The following FOCAD variants were observed in gnomAD, a reference collection of about 807,000 sequenced individuals.
FOCAD encodes KIAA1797.
A neutral mutation model predicts 225.6 loss-of-function variants in FOCAD; 198 were observed. That is an observed-to-expected ratio of 0.88 (90% CI 0.78 to 0.99). The LOEUF (loss-of-function observed/expected upper bound fraction) is 0.99, where lower values mean the gene tolerates loss of function less well. FOCAD is among the 50% of genes least tolerant of loss of function. The probability of loss-of-function intolerance (pLI) is 0.00; values close to 1 mark genes in which losing one functional copy is unlikely to be tolerated. For missense variants in FOCAD, 2,713 were observed against 2,123.6 expected (o/e 1.28, Z -5.46); for synonymous variants, 897 against 755.0 (o/e 1.19, Z -3.08).
chr9:20,657,994 A>G (rs1163520461), upstream of FOCAD, among the ~76,000 whole-genome samples: 1 of 141,678 alleles, frequency 7.1e-6, no homozygotes, highest in Non-Finnish European at 1.5e-5. Context: ...TTTCCTTCTA[A>G]CAGACAGGAC....
chr9:20,879,264 T>G (rs918816852), intron 19 of FOCAD, among the ~76,000 whole-genome samples: 1 of 152,214 alleles, frequency 6.6e-6, no homozygotes, highest in Non-Finnish European at 1.5e-5. Flanking sequence ...CTATCCTGTG[T>G]ACAACTGAAA....
Position 20,930,242 on chromosome 9 carries a change from A to G in FOCAD, c.3317+646A>G, listed in dbSNP as rs143077782. On this transcript the variant is annotated intron_variant, in intron 27 of 43. Transcript: ENST00000338382. ...GGAATAGACTCAGGTGGAAAATTCCACTAAATCGGAAAGGTTTTTTTAGTG... is the reference window on the plus strand; with the variant it reads ...GGAATAGACTCAGGTGGAAAATTCCGCTAAATCGGAAAGGTTTTTTTAGTG... Among the ~76,000 whole-genome samples, 82 of 152,298 alleles carry G rather than the reference A, an allele frequency of 5.4e-4. 1 individual carries two copies. The East Asian group carries it at 0.014, about 26-fold the overall frequency.
intron 10 of FOCAD, among the ~76,000 whole-genome samples, chr9:20,783,723 AAG>A (rs2131125972): frequency 6.6e-6 from 1 of 152,224 alleles, no homozygotes; most frequent in African/African-American, 2.4e-5. Context: ...ATATTAAAAA[AAG>A]TAAAAAAAAT....
Position 20,824,970 on chromosome 9 carries a change from A to G in FOCAD, c.1920+1855A>G, listed in dbSNP as rs577810082. Among the ~76,000 whole-genome samples the G allele has an allele frequency of 6.6e-5, 10 of 152,142 alleles. No homozygotes were observed. In the East Asian group the frequency reaches 1.9e-3, roughly 29 times the overall value. On this transcript the variant is annotated intron_variant, in intron 15 of 43. Transcript: ENST00000338382. ...TTTATAGATATTACCAATGTCCAGA[A>G]TTGTGGAATTTGTTGAAAATGACTG... is the stretch of plus-strand genomic sequence containing the variant.
At position 20,764,878 on chromosome 9, in the gene FOCAD, T is replaced by C; in HGVS notation, c.504T>C (p.Val168=). The stretch of plus-strand genomic sequence containing the variant: ...ATTTCATGTCTTATAGGTTAGAAGT[T>C]TCATGCATTCAAATAATGGCACCAT... ...FFQQCPERLE[V]SCIQIMAPFL... The change falls in exon 7 of 44, where the codon GTT becomes GTC. Residue 168 remains valine (V), a synonymous_variant. Coordinates refer to ENST00000338382, the MANE Select transcript of FOCAD (RefSeq NM_001375567.1). 6.2e-7 allele frequency: 1 copy of C among 1,613,694 alleles called. No individual in the cohort carries two copies. Among genetic ancestry groups the C allele is most frequent in the Non-Finnish European group, 8.5e-7 (1 of 1,179,734 alleles).
chr9:20,885,354 C>A, intron 21 of FOCAD, 124 bp downstream of exon 21: 1 of 998,470 alleles, frequency 1.0e-6, no homozygotes, highest in Non-Finnish European at 1.3e-6. Flanking sequence ...TTAAAGGCCA[C>A]CAAAATAGTT....
At chr9:20,805,633 G>A (rs1822345150) in intron 11 of FOCAD, among the ~76,000 whole-genome samples, 1 of 151,888 alleles carries the variant, frequency 6.6e-6, no homozygotes, top group Non-Finnish European at 1.5e-5. Flanking sequence ...TTGCCCAAAA[G>A]ATATGGAACT....
At position 20,912,931 on chromosome 9, in the gene FOCAD, C is replaced by CA; in HGVS notation, c.2791dup (p.Ser931LysfsTer8). The CA allele has an allele frequency of 1.9e-6, 3 of 1,612,648 alleles. No homozygotes were observed. Among genetic ancestry groups the CA allele is most frequent in the Non-Finnish European group, 2.5e-6 (3 of 1,179,276 alleles). On this transcript the variant is annotated frameshift_variant, in exon 23 of 44. Transcript: ENST00000338382. LOFTEE classifies it high-confidence loss of function. ...AAGAAGAACCTGAGGAGGTGCAGTA[C>CA]AAAAAAAGCACAGCCTGGCTCTGGT...
At chr9:20,988,288 A>G (rs886971377) in intron 40 of FOCAD, 44 bp from the exon 41 acceptor site, 2 of 1,257,928 alleles carry the variant, frequency 1.6e-6, no homozygotes, top group African/African-American at 1.5e-5. Context: ...TTACATTTCA[A>G]AGGAAAACCA....
Position 20,765,085 on chromosome 9 carries a change from G to T in FOCAD, c.699+12G>T. On this transcript the variant is annotated intron_variant, in intron 7 of 43. Coordinates refer to ENST00000338382, the MANE Select transcript of FOCAD (RefSeq NM_001375567.1). ...TTCCATGTTTGCAGGTAAGGTCTTTGTCCTCCTCCACAAATATAGGTCAGC... is the reference window on the plus strand; with the variant it reads ...TTCCATGTTTGCAGGTAAGGTCTTTTTCCTCCTCCACAAATATAGGTCAGC... 6.2e-7 allele frequency: 1 copy of T among 1,607,296 alleles called. No individual in the cohort carries two copies.
At chr9:20,827,260 A>T (rs1824996597) in intron 15 of FOCAD, among the ~76,000 whole-genome samples, 1 of 151,896 alleles carries the variant, frequency 6.6e-6, no homozygotes, top group Admixed American at 6.6e-5. Context: ...GTCTCTGTGG[A>T]TTTACTTATT....
At chr9:20,987,612 AG>A (rs2132676428) in intron 40 of FOCAD, among the ~76,000 whole-genome samples, 1 of 152,302 alleles carries the variant, frequency 6.6e-6, no homozygotes, top group East Asian at 1.9e-4. Flanking sequence ...ACCTATGATG[AG>A]AAACTGGACT....
intron 15 of FOCAD, among the ~76,000 whole-genome samples, chr9:20,837,559 G>C (rs1473638489): frequency 1.3e-5 from 2 of 151,762 alleles, no homozygotes; most frequent in Non-Finnish European, 2.9e-5. Context: ...TTTTTGGGAG[G>C]GGGGTTGGTA....
intron 6 of FOCAD, among the ~76,000 whole-genome samples, chr9:20,759,508 T>C (rs1255808832): frequency 1.3e-5 from 2 of 152,162 alleles, no homozygotes; most frequent in Non-Finnish European, 1.5e-5. Flanking sequence ...TGGCTAGCCA[T>C]ACGGAGAAAG....
At chr9:20,948,799 C>A in intron 31 of FOCAD, 52 bp from the exon 32 acceptor site, 1 of 1,588,626 alleles carries the variant, frequency 6.3e-7, no homozygotes, top group South Asian at 1.1e-5. Flanking sequence ...TTTATAGAAT[C>A]TAAACCCAAG....
intron 11 of FOCAD, among the ~76,000 whole-genome samples, chr9:20,800,640 C>T (rs1320557931): frequency 4.6e-5 from 7 of 152,098 alleles, no homozygotes; most frequent in South Asian, 2.1e-4. Context: ...TTGATCGAAT[C>T]GGCTACTGAG....
chr9:20,697,070 A>T (rs1377757797), intron 1 of FOCAD, among the ~76,000 whole-genome samples: 1 of 152,152 alleles, frequency 6.6e-6, no homozygotes, highest in Non-Finnish European at 1.5e-5. Context: ...TTTATAAAAT[A>T]TTCCCAATCT....
At chr9:20,775,379 G>T (rs1818653240) in intron 8 of FOCAD, among the ~76,000 whole-genome samples, 1 of 152,174 alleles carries the variant, frequency 6.6e-6, no homozygotes, top group African/African-American at 2.4e-5. Flanking sequence ...ATTGGGAAGG[G>T]TCGGAAACTT....
intron 39 of FOCAD, among the ~76,000 whole-genome samples, chr9:20,983,577 A>AAG (rs1840905029): frequency 6.6e-6 from 1 of 151,868 alleles, no homozygotes; most frequent in Admixed American, 6.6e-5. Flanking sequence ...TCTCAAAAAA[A>AAG]AAAAAAAAAA....
Sources: gnomAD v4.1 joint callset for allele counts (sites outside exome capture counted in the v4.1 genomes callset) on GRCh38, gnomAD v4.1.1 for gene constraint, MANE v1.5 for transcripts, NCBI Gene and HGNC (gene_info 2026-07-23, HGNC 2026-07-21) for gene names.